Variants in NALF1 observed in about 807,000 individuals in gnomAD.
NALF1 encodes the protein family with sequence similarity 155 member A.
Under a neutral mutation model 48.4 loss-of-function variants are expected in NALF1, and 3 were observed. The ratio of observed to expected loss-of-function variants is 0.06; its 90% CI spans 0.03 to 0.16. NALF1 has a LOEUF of 0.16. Ranked by LOEUF, NALF1 falls within the 10% of genes least tolerant of loss-of-function variation. The probability of loss-of-function intolerance (pLI) is 1.00; values close to 1 mark genes in which losing one functional copy is unlikely to be tolerated. For missense variants in NALF1, 526 were observed against 571.5 expected (o/e 0.92, Z 0.81); for synonymous variants, 262 against 245.7 (o/e 1.07, Z -0.62).
intron 1 of NALF1, among the ~76,000 whole-genome samples, chr13:107,745,751 G>A (rs1332482628): frequency 2.6e-5 from 4 of 152,022 alleles, no homozygotes; most frequent in East Asian, 1.9e-4. Flanking sequence ...CATAATCCCC[G>A]CATGTTGTGG....
At chr13:107,219,009 G>C (rs1283916609) in intron 1 of NALF1, among the ~76,000 whole-genome samples, 3 of 152,114 alleles carry the variant, frequency 2.0e-5, no homozygotes, top group East Asian at 1.9e-4. Context: ...AGTAAATAAG[G>C]AAGCGTTTCC....
At chr13:107,817,506 G>A (rs537267677) in intron 1 of NALF1, among the ~76,000 whole-genome samples, 10 of 152,228 alleles carry the variant, frequency 6.6e-5, no homozygotes, top group East Asian at 5.8e-4. Flanking sequence ...AGGGAGTGCC[G>A]GGATTTTAAG....
At chr13:107,848,508 G>A (rs1160660628) in intron 1 of NALF1, among the ~76,000 whole-genome samples, 2 of 152,134 alleles carry the variant, frequency 1.3e-5, no homozygotes, top group Non-Finnish European at 2.9e-5. Flanking sequence ...CCTTCAAAAT[G>A]CAAGCAGCTG....
At chr13:107,360,744 C>A (rs1883046797) in intron 1 of NALF1, among the ~76,000 whole-genome samples, 1 of 152,066 alleles carries the variant, frequency 6.6e-6, no homozygotes. Context: ...AATCAAATTG[C>A]CTTTATCACA....
In NALF1 at chr13:107,638,201, A is replaced by ATATATATGTATATGTATG. The variant is rs372122331; in HGVS notation, c.915+227480_915+227481insCATACATATACATATATA. ...TATATAAAGATTTATATATATATAT[A>ATATATATGTATATGTATG]TATATAATTTAAGATGAACATTGGG... On this transcript the variant is annotated intron_variant, in intron 1 of 2. Coordinates refer to ENST00000375915, the MANE Select transcript of NALF1 (RefSeq NM_001080396.3). Among the ~76,000 whole-genome samples, 10 of 110,832 alleles carry ATATATATGTATATGTATG rather than the reference A, an allele frequency of 9.0e-5. 1 individual carries two copies. The highest frequency in any genetic ancestry group is 2.8e-4 in the African/African-American group (10 of 35,242). The allele number at this position is 110,832 out of a possible 152,430, so 72.7% of individuals were successfully genotyped here. A position where few individuals can be genotyped will look rare whatever the true frequency, so the allele number is the denominator to read the frequency against.
intron 1 of NALF1, among the ~76,000 whole-genome samples, chr13:107,782,315 G>C (rs1003700615): frequency 5.3e-5 from 8 of 152,210 alleles, no homozygotes; most frequent in Admixed American, 5.2e-4. Context: ...TCGGCCTCCG[G>C]AGGTGCCAGG....
chr13:107,332,673 T>A (rs1882490326), intron 1 of NALF1, among the ~76,000 whole-genome samples: 1 of 152,238 alleles, frequency 6.6e-6, no homozygotes, highest in Non-Finnish European at 1.5e-5. Context: ...AATTTAAGAA[T>A]GCAGCTGCCT....
At chr13:107,519,658 A>G (rs1364019926) in intron 1 of NALF1, among the ~76,000 whole-genome samples, 15 of 152,202 alleles carry the variant, frequency 9.9e-5, no homozygotes. Context: ...GCCAAACAGA[A>G]GTTTCAGCAT....
intron 1 of NALF1, among the ~76,000 whole-genome samples, chr13:107,469,933 C>T (rs779588490): frequency 1.3e-4 from 20 of 151,018 alleles, no homozygotes; most frequent in South Asian, 1.3e-3. Context: ...TTAGTAGAGA[C>T]GGGGTTTCAC....
chr13:107,585,788 C>T (rs1878437909), intron 1 of NALF1, among the ~76,000 whole-genome samples: 1 of 152,078 alleles, frequency 6.6e-6, no homozygotes, highest in South Asian at 2.1e-4. Flanking sequence ...TCGGCCATTA[C>T]CACATACCAA....
intron 1 of NALF1, among the ~76,000 whole-genome samples, chr13:107,676,495 T>G (rs1175636421): frequency 6.6e-6 from 1 of 151,704 alleles, no homozygotes. Context: ...TGGGGCTAGC[T>G]TAGGAGGGCT....
In NALF1 at chr13:107,273,915, C is replaced by A. The variant is rs140510236; in HGVS notation, c.916-63160G>T. 6.6e-3 allele frequency among the ~76,000 whole-genome samples: 1,011 copies of A among 152,242 alleles called. 12 individuals carry two copies. The highest frequency in any genetic ancestry group is 0.023 in the African/African-American group (949 of 41,534). ...GCAAGTTTTGGTGGGTAGTTCCCTG[C>A]AGCTTGCTGGGGAGAGGAATCGTCA... is the stretch of plus-strand genomic sequence containing the variant. On this transcript the variant is annotated intron_variant, in intron 1 of 2. Transcript: ENST00000375915.
intron 1 of NALF1, among the ~76,000 whole-genome samples, chr13:107,482,040 C>T (rs1234867913): frequency 1.3e-5 from 2 of 152,028 alleles, no homozygotes; most frequent in African/African-American, 2.4e-5. Context: ...GGTCAAACAC[C>T]TATCTAGATG....
At chr13:107,401,369 AC>A (rs900607091) in intron 1 of NALF1, among the ~76,000 whole-genome samples, 5 of 152,134 alleles carry the variant, frequency 3.3e-5, no homozygotes, top group Admixed American at 3.3e-4. Context: ...AGGGGTTACT[AC>A]CATATTCTGA....
At chr13:107,425,987 C>T (rs1332906563) in intron 1 of NALF1, among the ~76,000 whole-genome samples, 1 of 152,146 alleles carries the variant, frequency 6.6e-6, no homozygotes, top group Non-Finnish European at 1.5e-5. Context: ...TATCTCTGCA[C>T]TATAGTATTG....
intron 1 of NALF1, among the ~76,000 whole-genome samples, chr13:107,781,357 A>G (rs1476565567): frequency 6.6e-6 from 1 of 152,198 alleles, no homozygotes; most frequent in Admixed American, 6.5e-5. Flanking sequence ...TAAGAGATTT[A>G]AAAATCAACA....
At chr13:107,589,302 G>C (rs909306072) in intron 1 of NALF1, among the ~76,000 whole-genome samples, 1 of 151,804 alleles carries the variant, frequency 6.6e-6, no homozygotes, top group Non-Finnish European at 1.5e-5. Flanking sequence ...TGTTCTTCGG[G>C]GTCACGAGTG....
chr13:107,509,869 A>C (rs1875824441), intron 1 of NALF1, among the ~76,000 whole-genome samples: 1 of 152,056 alleles, frequency 6.6e-6, no homozygotes, highest in Non-Finnish European at 1.5e-5. Context: ...GCAGTGGTGC[A>C]ATCTCAGCTC....
chr13:107,748,363 G>A (rs551853718), intron 1 of NALF1, among the ~76,000 whole-genome samples: 17 of 152,136 alleles, frequency 1.1e-4, no homozygotes, highest in Admixed American at 8.5e-4. Context: ...GCAGTTCCAC[G>A]TAAATTACCT....
Sources: allele counts gnomAD v4.1 joint callset (sites outside exome capture counted in the v4.1 genomes callset), GRCh38; gene constraint gnomAD v4.1.1; transcripts MANE v1.5; gene names NCBI Gene and HGNC (gene_info 2026-07-23, HGNC 2026-07-21).